RIMKLB: variants seen among roughly 807,000 people sequenced by gnomAD.
The protein encoded by RIMKLB is ribosomal modification protein rimK like family member B.
Under a neutral mutation model 32.0 loss-of-function variants are expected in RIMKLB, and 7 were observed. The observed-to-expected ratio is 0.22, with a 90% CI of 0.12 to 0.41. RIMKLB has a LOEUF of 0.41. RIMKLB is among the 10% of genes least tolerant of loss of function. RIMKLB has a pLI of 1.00. For missense variants in RIMKLB, 289 were observed against 498.7 expected, an observed-to-expected ratio of 0.58 and a Z score of 4.00; for synonymous variants, 172 against 185.1, an observed-to-expected ratio of 0.93 and a Z score of 0.57.
chr12:8,753,158 C>T (rs1274748685), intron 4 of RIMKLB, among the ~76,000 whole-genome samples: 1 of 152,192 alleles, frequency 6.6e-6, no homozygotes, highest in African/African-American at 2.4e-5. Flanking sequence ...TGACTGGATT[C>T]TTTATATTTG....
In RIMKLB at chr12:8,761,291, A is replaced by AT. The variant is rs869260138; in HGVS notation, c.697+7198_697+7199insT. Among the ~76,000 whole-genome samples, 301 of 150,848 alleles carry AT rather than the reference A, an allele frequency of 2.0e-3. 2 individuals are homozygous for AT. Among genetic ancestry groups the AT allele is most frequent in the African/African-American group, 5.5e-3 (227 of 40,930 alleles). ...AGATAGCAAAAAAAAAAAAAAAAAA[A>AT]GAATTTGTTTTTCCAAATTGCCCTT... is the stretch of plus-strand genomic sequence containing the variant. On this transcript the variant is annotated intron_variant, in intron 5 of 5. Transcript: ENST00000535829.
At chr12:8,773,232 A>G in intron 5 of RIMKLB, 89 bp from the exon 6 acceptor site, 2 of 877,698 alleles carry the variant, frequency 2.3e-6, no homozygotes, top group Non-Finnish European at 3.6e-6. Context: ...CTATTAATTT[A>G]GAAGAAAGGC....
chr12:8,711,934 A>G (rs906804163), intron 1 of RIMKLB, among the ~76,000 whole-genome samples: 1 of 152,198 alleles, frequency 6.6e-6, no homozygotes, highest in African/African-American at 2.4e-5. Context: ...ACCCATAAAA[A>G]AAGTCGTTCC....
chr12:8,723,175 TTAAAG>T (rs1218001812), intron 2 of RIMKLB, among the ~76,000 whole-genome samples: 3 of 152,208 alleles, frequency 2.0e-5, no homozygotes, highest in African/African-American at 4.8e-5. Context: ...ATCTTTCAAT[TTAAAG>T]TAAGAGATTG....
In RIMKLB at chr12:8,774,283, T is replaced by A. The variant is rs1950602280; in HGVS notation, c.*499T>A. On this transcript the variant is annotated 3_prime_UTR_variant, in exon 6 of 6. Coordinates refer to ENST00000535829, the MANE Select transcript of RIMKLB (RefSeq NM_001297776.2). Reference sequence around the variant, plus strand: ...TTCCTTATTAACTAGCAGCTTTAGTTTGTAGTTTATGAAATCTTGAGGGGC... The same window carrying A: ...TTCCTTATTAACTAGCAGCTTTAGTATGTAGTTTATGAAATCTTGAGGGGC... 2.1e-5 allele frequency: 21 copies of A among 983,730 alleles called. No individual in the cohort carries two copies. Among genetic ancestry groups the A allele is most frequent in the Non-Finnish European group, 2.5e-5 (21 of 828,388 alleles). 60.9% of individuals were successfully genotyped at this position (983,730 alleles called of 1,614,324 possible).
intron 5 of RIMKLB, among the ~76,000 whole-genome samples, chr12:8,769,846 T>C (rs1950263248): frequency 6.6e-6 from 1 of 152,202 alleles, no homozygotes; most frequent in Admixed American, 6.5e-5. Context: ...CCTTGTTCCC[T>C]CTCCCCTCCA....
intron 2 of RIMKLB, among the ~76,000 whole-genome samples, chr12:8,736,995 T>A (rs1452966571): frequency 1.3e-5 from 2 of 151,300 alleles, no homozygotes; most frequent in Non-Finnish European, 2.9e-5. Flanking sequence ...GTATTTTTAG[T>A]AGAGACGGGG....
chr12:8,728,693 C>A (rs1946257823), intron 2 of RIMKLB, among the ~76,000 whole-genome samples: 1 of 152,056 alleles, frequency 6.6e-6, no homozygotes. Flanking sequence ...CTCACTGCAA[C>A]CTCCACATCC....
At chr12:8,723,803 C>CTTT (rs1565578880) in intron 2 of RIMKLB, among the ~76,000 whole-genome samples, 1 of 105,724 alleles carries the variant, frequency 9.5e-6, no homozygotes, top group African/African-American at 3.4e-5. Context: ...TCTTCAGTTC[C>CTTT]CTTTTTTTTT....
intron 2 of RIMKLB, among the ~76,000 whole-genome samples, chr12:8,719,056 C>T (rs925171254): frequency 6.6e-6 from 1 of 152,004 alleles, no homozygotes; most frequent in African/African-American, 2.4e-5. Context: ...CCTGTTCATC[C>T]TCCTCCTTCC....
chr12:8,718,311 T>C (rs1456398858), intron 2 of RIMKLB, among the ~76,000 whole-genome samples: 1 of 152,218 alleles, frequency 6.6e-6, no homozygotes, highest in Non-Finnish European at 1.5e-5. Context: ...TCCAGTTTTA[T>C]GCTTGTTCTT....
At chr12:8,676,873 C>T (rs1396066732), upstream of RIMKLB, among the ~76,000 whole-genome samples, 1 of 151,976 alleles carries the variant, frequency 6.6e-6, no homozygotes, top group Non-Finnish European at 1.5e-5. Context: ...CTAGTCTGAG[C>T]CCCCAGGAGT....
At chr12:8,743,503 T>C (rs773393636) in intron 2 of RIMKLB, among the ~76,000 whole-genome samples, 1 of 142,490 alleles carries the variant, frequency 7.0e-6, no homozygotes, top group Non-Finnish European at 1.5e-5. Flanking sequence ...GTACTTACTA[T>C]TATTAAGAGT....
chr12:8,673,697 G>T, the RIMKLB span, among the ~76,000 whole-genome samples: 2 of 151,816 alleles, frequency 1.3e-5, no homozygotes, highest in Non-Finnish European at 2.9e-5. Flanking sequence ...CCAGGTTCAA[G>T]AAATTCTTCT....
the RIMKLB span, among the ~76,000 whole-genome samples, chr12:8,671,410 C>T: frequency 1.3e-5 from 2 of 152,120 alleles, no homozygotes; most frequent in African/African-American, 2.4e-5. Flanking sequence ...GCCACCACCT[C>T]AGATAATTTT....
At chr12:8,682,759 C>A (rs1180344948) in intron 1 of RIMKLB, among the ~76,000 whole-genome samples, 13 of 140,836 alleles carry the variant, frequency 9.2e-5, no homozygotes, top group Non-Finnish European at 1.7e-4. Flanking sequence ...GGGGAGGGAG[C>A]GAGATTCCGC....
chr12:8,746,598 CAAAAAAAA>C (rs1185862870), intron 2 of RIMKLB, among the ~76,000 whole-genome samples: 1 of 54,958 alleles, frequency 1.8e-5, no homozygotes, highest in African/African-American at 7.0e-5. Flanking sequence ...GACTCTGTCT[CAAAAAAAA>C]AAAAAAAAAA....
intron 2 of RIMKLB, among the ~76,000 whole-genome samples, chr12:8,731,367 G>A (rs1946528961): frequency 1.3e-5 from 2 of 151,620 alleles, no homozygotes; most frequent in Admixed American, 6.6e-5. Flanking sequence ...CAAAGTGCTG[G>A]GATTACAGGT....
chr12:8,691,293 AT>A lies in RIMKLB; in HGVS notation n.219+9487del, dbSNP rs796464108. Among the ~76,000 whole-genome samples, 110 of 147,766 alleles carry A rather than the reference AT, an allele frequency of 7.4e-4. 1 individual carries two copies. The highest frequency in any genetic ancestry group is 5.8e-3 in the South Asian group (27 of 4,636). ...GGCATGTGCCACCACACTTGGCCAA[AT>A]TTTTTTTTTTTAAAGTTTTTGGTTT... On this transcript the variant is annotated intron_variant and non_coding_transcript_variant, in intron 1 of 1. Transcript: ENST00000538758.
Sources: gnomAD v4.1 joint callset for allele counts (sites outside exome capture counted in the v4.1 genomes callset) on GRCh38, gnomAD v4.1.1 for gene constraint, MANE v1.5 for transcripts, NCBI Gene and HGNC (gene_info 2026-07-23, HGNC 2026-07-21) for gene names.